The following KLHL32 variants were observed in gnomAD, a reference collection of about 807,000 sequenced individuals.
KLHL32 encodes the protein kelch like family member 32.
Under a neutral mutation model 64.8 loss-of-function variants are expected in KLHL32, and 35 were observed. That is an observed-to-expected ratio of 0.54 (90% CI 0.41 to 0.72). The LOEUF (loss-of-function observed/expected upper bound fraction) is 0.72. KLHL32 is among the 30% of genes least tolerant of loss of function. KLHL32 has a pLI of 0.00. For synonymous variants in KLHL32, 259 were observed against 281.0 expected, an observed-to-expected ratio of 0.92 and a Z score of 0.78; for missense variants, 589 against 768.5, an observed-to-expected ratio of 0.77 and a Z score of 2.76.
intron 3 of KLHL32, among the ~76,000 whole-genome samples, chr6:97,017,124 C>G (rs531973988): frequency 5.3e-5 from 8 of 152,186 alleles, no homozygotes; most frequent in African/African-American, 1.9e-4. Flanking sequence ...GTCAGTATGA[C>G]TGGAATTTGG....
intron 4 of KLHL32, among the ~76,000 whole-genome samples, chr6:97,051,301 C>G (rs117563673): frequency 0.015 from 2,264 of 152,270 alleles, 25 homozygotes; most frequent in Middle Eastern, 0.031. Flanking sequence ...TTCCAACTCT[C>G]AGCACCTCCC....
At chr6:96,964,496 A>G (rs955419431) in intron 1 of KLHL32, among the ~76,000 whole-genome samples, 5 of 152,224 alleles carry the variant, frequency 3.3e-5, no homozygotes, top group African/African-American at 4.8e-5. Context: ...TACTTAAAAT[A>G]CAAAAAATTA....
intron 4 of KLHL32, among the ~76,000 whole-genome samples, chr6:97,046,713 A>T (rs770990285): frequency 1.3e-5 from 2 of 152,192 alleles, no homozygotes; most frequent in Non-Finnish European, 2.9e-5. Context: ...TTTACTTGAG[A>T]TTGTTGAACA....
rs958771266 is a variant in KLHL32, at chr6:97,140,466, G to A, written c.*1184G>A. 2.0e-5 allele frequency: 3 copies of A among 151,848 alleles called. No individual in the cohort carries two copies. The highest frequency in any genetic ancestry group is 2.1e-4 in the South Asian group (1 of 4,814). The allele number at this position is 151,848 out of a possible 1,614,324, so 9.4% of individuals were successfully genotyped here. ...TTACTATCTCTTTTAATAATGCATAGGAATTCTTTTTTAGACTAGTTTTTG... is the reference window on the plus strand; with the variant it reads ...TTACTATCTCTTTTAATAATGCATAAGAATTCTTTTTTAGACTAGTTTTTG... On this transcript the variant is annotated 3_prime_UTR_variant, in exon 11 of 11. Transcript: ENST00000369261.
intron 4 of KLHL32, among the ~76,000 whole-genome samples, chr6:97,056,929 A>G (rs1450433837): frequency 3.3e-5 from 5 of 152,212 alleles, no homozygotes; most frequent in Non-Finnish European, 5.9e-5. Flanking sequence ...CTGTTGTAGC[A>G]TGAAAACTGC....
intron 6 of KLHL32, among the ~76,000 whole-genome samples, chr6:97,103,374 T>C (rs1168980833): frequency 6.6e-6 from 1 of 152,076 alleles, no homozygotes; most frequent in Non-Finnish European, 1.5e-5. Flanking sequence ...CCATCACACC[T>C]GGGTAATTTT....
chr6:97,108,245 A>G (rs1796668822), intron 6 of KLHL32, among the ~76,000 whole-genome samples: 1 of 152,156 alleles, frequency 6.6e-6, no homozygotes, highest in African/African-American at 2.4e-5. Context: ...GTTTATGGTG[A>G]TAGGGATTTC....
chr6:96,984,628 T>C lies in KLHL32; in HGVS notation c.204+8451T>C, dbSNP rs549118901. ...TTGCATTGATCCCTTTACCATTAAG[T>C]AATGGCCTTGTCTCTTTTGATCTTT... On this transcript the variant is annotated intron_variant, in intron 3 of 10. Coordinates refer to ENST00000369261, the MANE Select transcript of KLHL32 (RefSeq NM_052904.4). Among the ~76,000 whole-genome samples the C allele has an allele frequency of 2.0e-5, 3 of 152,296 alleles. No homozygotes were observed. The South Asian group carries it at 6.2e-4, about 32-fold the overall frequency.
intron 1 of KLHL32, among the ~76,000 whole-genome samples, chr6:96,946,430 G>C (rs1251275418): frequency 6.6e-6 from 1 of 152,094 alleles, no homozygotes; most frequent in Non-Finnish European, 1.5e-5. Context: ...CACAGGGCAG[G>C]CATTTTGTCT....
At chr6:96,948,473 T>A (rs1582440559) in intron 1 of KLHL32, among the ~76,000 whole-genome samples, 1 of 152,116 alleles carries the variant, frequency 6.6e-6, no homozygotes, top group East Asian at 1.9e-4. Context: ...GATGTAGGTG[T>A]GTCCTTATGT....
intron 3 of KLHL32, among the ~76,000 whole-genome samples, chr6:97,031,634 G>A (rs1030331858): frequency 2.0e-5 from 3 of 152,112 alleles, no homozygotes; most frequent in Non-Finnish European, 4.4e-5. Flanking sequence ...CACGGTGCCT[G>A]GCAATGTTAA....
intron 4 of KLHL32, among the ~76,000 whole-genome samples, chr6:97,053,129 T>C (rs1472666824): frequency 2.0e-5 from 3 of 151,928 alleles, no homozygotes; most frequent in Admixed American, 1.3e-4. Flanking sequence ...CCTGACCTCA[T>C]ATTGTTTCCT....
the KLHL32 span, among the ~76,000 whole-genome samples, chr6:96,912,046 A>G: frequency 6.6e-6 from 1 of 151,832 alleles, no homozygotes; most frequent in African/African-American, 2.4e-5. Context: ...TCTTCCCAGA[A>G]GTCCTACAGG....
At chr6:96,939,998 G>A (rs1000796300) in intron 1 of KLHL32, among the ~76,000 whole-genome samples, 1 of 152,086 alleles carries the variant, frequency 6.6e-6, no homozygotes, top group African/African-American at 2.4e-5. Flanking sequence ...AATATTGAGG[G>A]TGAGGGAAGA....
At chr6:96,980,796 T>C (rs1776213613) in intron 3 of KLHL32, among the ~76,000 whole-genome samples, 1 of 152,180 alleles carries the variant, frequency 6.6e-6, no homozygotes, top group African/African-American at 2.4e-5. Flanking sequence ...GTCCTGGGCA[T>C]GTTCAGGTTA....
intron 3 of KLHL32, among the ~76,000 whole-genome samples, chr6:96,987,849 G>T (rs1293499379): frequency 1.3e-5 from 2 of 152,142 alleles, no homozygotes; most frequent in African/African-American, 4.8e-5. Context: ...ACAAGAAATG[G>T]GGAAAGGATT....
At chr6:96,968,364 A>T (rs139096908) in intron 2 of KLHL32, among the ~76,000 whole-genome samples, 1 of 151,700 alleles carries the variant, frequency 6.6e-6, no homozygotes, top group Non-Finnish European at 1.5e-5. Context: ...ACAGCAAAAA[A>T]CAAAAAACAA....
intron 3 of KLHL32, among the ~76,000 whole-genome samples, chr6:97,001,058 A>AT (rs1470473623): frequency 1.3e-5 from 2 of 152,220 alleles, no homozygotes; most frequent in South Asian, 2.1e-4. Context: ...AGCACAGGGG[A>AT]TTTTTAAAGC....
At chr6:96,998,058 G>T (rs1778607202) in intron 3 of KLHL32, among the ~76,000 whole-genome samples, 1 of 152,088 alleles carries the variant, frequency 6.6e-6, no homozygotes, top group African/African-American at 2.4e-5. Flanking sequence ...TTTGCTTCCA[G>T]CCCCCAAGAC....
Sources: gnomAD v4.1 joint callset for allele counts (sites outside exome capture counted in the v4.1 genomes callset) on GRCh38, gnomAD v4.1.1 for gene constraint, MANE v1.5 for transcripts, NCBI Gene and HGNC (gene_info 2026-07-23, HGNC 2026-07-21) for gene names.